Variants in UMODL1 observed in about 807,000 individuals in gnomAD.
UMODL1 encodes uromodulin-like 1.
Under a neutral mutation model 136.3 loss-of-function variants are expected in UMODL1, and 128 were observed. The ratio of observed to expected loss-of-function variants is 0.94; its 90% CI spans 0.81 to 1.09. The LOEUF (loss-of-function observed/expected upper bound fraction) is 1.09, where lower values mean the gene tolerates loss of function less well. Ranked by LOEUF, UMODL1 falls within the 50% of genes least tolerant of loss-of-function variation. UMODL1 has a pLI of 0.00. For synonymous variants in UMODL1, 721 were observed against 720.0 expected, an observed-to-expected ratio of 1.00 and a Z score of -0.02; for missense variants, 1,766 against 1,725.6, an observed-to-expected ratio of 1.02 and a Z score of -0.41.
intron 6 of UMODL1, among the ~76,000 whole-genome samples, chr21:42,098,121 T>A (rs1021584664): frequency 6.6e-6 from 1 of 152,216 alleles, no homozygotes; most frequent in African/African-American, 2.4e-5. Context: ...AACCTTACAC[T>A]GTCGTGGCCA....
At position 42,081,742 on chromosome 21, in the gene UMODL1, G is replaced by A. The variant is rs138867390; in HGVS notation, c.320-2342G>A. Among the ~76,000 whole-genome samples the A allele has an allele frequency of 6.6e-5, 10 of 152,258 alleles. No homozygotes were observed. In the South Asian group the frequency reaches 8.3e-4, roughly 13 times the overall value. ...CTAACGTTAGCATCTTACAGCTCTC[G>A]GGACTACTTGTCCTAAGGAACTGAC... On this transcript the variant is annotated intron_variant, in intron 2 of 22. Coordinates refer to ENST00000408910, the MANE Select transcript of UMODL1 (RefSeq NM_001004416.3).
intron 16 of UMODL1, among the ~76,000 whole-genome samples, chr21:42,121,924 C>T (rs971742469): frequency 4.6e-5 from 7 of 152,088 alleles, no homozygotes; most frequent in Admixed American, 3.3e-4. Context: ...GGGTGGGTGC[C>T]GTGGTGAGAA....
In UMODL1 at chr21:42,090,281, G is replaced by C. The variant is rs2066475527; in HGVS notation, c.791-17G>C. The C allele has an allele frequency of 6.2e-7, 1 of 1,614,032 alleles. No homozygotes were observed. The highest frequency in any genetic ancestry group is 8.5e-7 in the Non-Finnish European group (1 of 1,179,936). On this transcript the variant is annotated splice_polypyrimidine_tract_variant and intron_variant, in intron 5 of 22. Coordinates refer to ENST00000408910, the MANE Select transcript of UMODL1 (RefSeq NM_001004416.3). ...GCTGCGACTGCTGAGTGTGGGTCCT[G>C]CTCTCCTTCCCTGTAGATGTCAATG...
At chr21:42,067,226 C>T (rs1363650022), upstream of UMODL1, among the ~76,000 whole-genome samples, 1 of 152,160 alleles carries the variant, frequency 6.6e-6, no homozygotes, top group East Asian at 1.9e-4. Context: ...CCCCCCACCC[C>T]TCCCAAAGTG....
chr21:42,077,615 G>T (rs1270462206), intron 2 of UMODL1, among the ~76,000 whole-genome samples: 1 of 152,246 alleles, frequency 6.6e-6, no homozygotes, highest in Non-Finnish European at 1.5e-5. Context: ...CCTGGGAACT[G>T]CGGATATAGC....
In UMODL1 at chr21:42,104,086, A is replaced by T. The variant is rs369860493; in HGVS notation, c.1518A>T (p.Gln506His). 49 of 1,607,578 alleles carry T rather than the reference A, an allele frequency of 3.0e-5. No individual in the cohort carries two copies. Among genetic ancestry groups the T allele is most frequent in the Non-Finnish European group, 3.9e-5 (46 of 1,175,680 alleles). Reference protein sequence around the residue: ...FQIDRQGTRVQDWDECVDSAE... With the variant: ...FQIDRQGTRVHDWDECVDSAE... ...TTGACCGGCAGGGGACACGCGTGCA[A>T]GGTATGGCCCAGCCACCCGCCCTGC... Residue 506 changes from glutamine to histidine, a missense_variant and splice_region_variant, in exon 9 of 23, where the codon CAA becomes CAT. By Grantham distance (24) the Gln-to-His change is conservative. Transcript: ENST00000408910.
intron 9 of UMODL1, 50 bp downstream of exon 9, chr21:42,104,137 TC>T: frequency 6.5e-7 from 1 of 1,549,470 alleles, no homozygotes; most frequent in Non-Finnish European, 8.8e-7. Context: ...AGCTCAGAAA[TC>T]CTCTTGGTGA....
Position 42,102,200 on chromosome 21 carries a change from A to G in UMODL1, c.1221A>G (p.Val407=), listed in dbSNP as rs1011173139. 1.2e-6 allele frequency: 2 copies of G among 1,613,718 alleles called. No homozygotes were observed. Among genetic ancestry groups the G allele is most frequent in the African/African-American group, 2.7e-5 (2 of 74,934 alleles). ...AQVFEVTIKI[V]NHNLTEKLLN... is the part of the protein sequence containing the mutation. ...TATTTGAAGTCACAATAAAGATTGT[A>G]AACCACAACCTGACGGAGAAGTTAC... The change falls in exon 8 of 23, where the codon GTA becomes GTG. Residue 407 remains valine, a synonymous_variant. Coordinates refer to ENST00000408910, the MANE Select transcript of UMODL1 (RefSeq NM_001004416.3).
chr21:42,090,090 T>A (rs1301294764), intron 5 of UMODL1, among the ~76,000 whole-genome samples: 2 of 152,234 alleles, frequency 1.3e-5, no homozygotes, highest in Non-Finnish European at 1.5e-5. Context: ...CGTGGGCTGC[T>A]GCTTGGATGA....
chr21:42,073,482 G>A (rs558132254), intron 1 of UMODL1, among the ~76,000 whole-genome samples: 83 of 152,252 alleles, frequency 5.5e-4, no homozygotes, highest in African/African-American at 1.4e-3. Context: ...TGCTGGGCCC[G>A]CAGGGTGATT....
rs1413684678 is a variant in UMODL1, at chr21:42,123,726, CTATGTGCA to C, written c.3147+578_3147+585del. 1.3e-5 allele frequency among the ~76,000 whole-genome samples: 2 copies of C among 151,324 alleles called. No homozygotes were observed. Among genetic ancestry groups the C allele is most frequent in the East Asian group, 1.9e-4 (1 of 5,154 alleles). ...TGAGTGTGTGAATGTGAGAATGTGT[CTATGTGCA>C]TGTGTGCATGTGTGCGTGAGTTGAG... On this transcript the variant is annotated intron_variant, in intron 17 of 22. Transcript: ENST00000408910. The surrounding 1 kb of genome is among the most constrained non-coding windows in gnomAD (Gnocchi z 4.4).
chr21:42,108,160 C>A, intron 9 of UMODL1: 1 of 399,856 alleles, frequency 2.5e-6, no homozygotes. Flanking sequence ...AGGTGAATCA[C>A]CACGCCCCAA....
At chr21:42,063,967 A>G (rs573672162) in intron 1 of UMODL1, among the ~76,000 whole-genome samples, 1 of 152,100 alleles carries the variant, frequency 6.6e-6, no homozygotes, top group Non-Finnish European at 1.5e-5. Context: ...AAAACAAGAG[A>G]TGCTCAGCGC....
chr21:42,107,656 C>A (rs892268309), intron 9 of UMODL1, among the ~76,000 whole-genome samples: 2 of 152,216 alleles, frequency 1.3e-5, no homozygotes, highest in African/African-American at 4.8e-5. Context: ...ACACACGCCC[C>A]CAGGAGAGTC....
intron 1 of UMODL1, among the ~76,000 whole-genome samples, chr21:42,066,306 G>A (rs551434693): frequency 6.0e-4 from 92 of 152,216 alleles, no homozygotes; most frequent in Non-Finnish European, 1.1e-3. Context: ...TTTTTGAGAC[G>A]GAGTCTCGCT....
rs551949945 is a variant in UMODL1, at chr21:42,087,528, T to C, written c.604-766T>C. Among the ~76,000 whole-genome samples the C allele has an allele frequency of 3.3e-5, 5 of 152,320 alleles. No homozygotes were observed. In the South Asian group the frequency reaches 1.0e-3, roughly 32 times the overall value. ...TAAGCTGAAATAAAAATACTGCATATGAAATGAGGAAAGTGATCATTAAAC... is the reference window on the plus strand; with the variant it reads ...TAAGCTGAAATAAAAATACTGCATACGAAATGAGGAAAGTGATCATTAAAC... On this transcript the variant is annotated intron_variant, in intron 4 of 22. Transcript: ENST00000408910.
intron 7 of UMODL1, chr21:42,101,562 T>G (rs1259393939): frequency 8.1e-6 from 3 of 371,370 alleles, no homozygotes; most frequent in African/African-American, 6.4e-5. Context: ...CCGCCGACGC[T>G]TGGGTTGTGC....
upstream of UMODL1, among the ~76,000 whole-genome samples, chr21:42,069,619 G>A (rs2066212282): frequency 6.6e-6 from 1 of 152,106 alleles, no homozygotes; most frequent in Non-Finnish European, 1.5e-5. Context: ...ATATAATAGG[G>A]ACAAAGGACC....
chr21:42,068,985 C>T (rs1002585647), upstream of UMODL1, among the ~76,000 whole-genome samples: 2 of 152,190 alleles, frequency 1.3e-5, no homozygotes, highest in African/African-American at 4.8e-5. This position sits in a 1 kb window ranked among gnomAD's most constrained non-coding sequence, Gnocchi z 5.5. Flanking sequence ...CCTTTCTGCA[C>T]AGAGGCCCTG....
Sources: gnomAD v4.1 joint callset for allele counts (sites outside exome capture counted in the v4.1 genomes callset) on GRCh38, gnomAD v4.1.1 for gene constraint, Gnocchi (gnomAD v3.1) non-coding constraint, MANE v1.5 for transcripts, NCBI Gene and HGNC (gene_info 2026-07-23, HGNC 2026-07-21) for gene names.